Variants in ADAM29 observed in about 807,000 individuals in gnomAD.
The protein encoded by ADAM29 is disintegrin and metalloproteinase domain-containing protein 29.
For synonymous variants in ADAM29, 367 were observed against 342.3 expected (o/e 1.07, Z -0.80); for missense variants, 969 against 1,001.8 (o/e 0.97, Z 0.44).
rs563638174 is a variant in ADAM29, at chr4:174,942,590, A to G, written c.-181+5577A>G. On this transcript the variant is annotated intron_variant, in intron 4 of 4. Transcript: ENST00000359240. Reference sequence around the variant, plus strand: ...AGCTGGAGTGGCTGGGATGCAGAGCACCATCTCCTGAGGCTTCACAGAGCA... The same window carrying G: ...AGCTGGAGTGGCTGGGATGCAGAGCGCCATCTCCTGAGGCTTCACAGAGCA... Among the ~76,000 whole-genome samples, 561 of 152,212 alleles carry G rather than the reference A, an allele frequency of 3.7e-3. 3 individuals carry two copies. The highest frequency in any genetic ancestry group is 3.8e-3 in the Non-Finnish European group (260 of 68,006).
chr4:174,933,162 C>T (rs1481264123), intron 3 of ADAM29, among the ~76,000 whole-genome samples: 1 of 152,104 alleles, frequency 6.6e-6, no homozygotes. Flanking sequence ...TCTGGGATAA[C>T]AAAAAGCTCT....
intron 4 of ADAM29, among the ~76,000 whole-genome samples, chr4:174,970,563 C>T (rs4129838): frequency 0.15 from 22,406 of 152,100 alleles, 1,962 homozygotes; most frequent in Non-Finnish European, 0.19. Context: ...AAACTCAGTC[C>T]TGCTGACACT....
In ADAM29 at chr4:174,941,246, A is replaced by T. The variant is rs188429639; in HGVS notation, c.-181+4233A>T. 4.6e-3 allele frequency among the ~76,000 whole-genome samples: 702 copies of T among 152,264 alleles called. 7 individuals carry two copies. Among genetic ancestry groups the T allele is most frequent in the Non-Finnish European group, 6.3e-3 (430 of 68,016 alleles). ...TTTTTAAAAACGGACCTGCTTCTGG[A>T]TTAAATGAATCATGGAAATCCTGAT... On this transcript the variant is annotated intron_variant, in intron 4 of 4. Transcript: ENST00000359240.
intron 2 of ADAM29, among the ~76,000 whole-genome samples, chr4:174,926,966 A>G (rs1743557668): frequency 6.6e-6 from 1 of 152,022 alleles, no homozygotes; most frequent in Non-Finnish European, 1.5e-5. Flanking sequence ...ATATTTCAGC[A>G]GACATTCCAC....
At chr4:174,933,066 C>A (rs1363406961) in intron 3 of ADAM29, among the ~76,000 whole-genome samples, 1 of 152,090 alleles carries the variant, frequency 6.6e-6, no homozygotes, top group East Asian at 1.9e-4. Context: ...AGAAAGCAAA[C>A]GGCTCTGAGG....
At chr4:174,951,968 A>G (rs1179350598) in intron 4 of ADAM29, among the ~76,000 whole-genome samples, 1 of 152,182 alleles carries the variant, frequency 6.6e-6, no homozygotes, top group Admixed American at 6.5e-5. Flanking sequence ...ACTATAATTA[A>G]TAACAATATA....
intron 4 of ADAM29, among the ~76,000 whole-genome samples, chr4:174,952,739 AG>A (rs10713185): frequency 0.41 from 62,475 of 151,852 alleles, 13,247 homozygotes; most frequent in African/African-American, 0.51. Flanking sequence ...GGGAAATAAA[AG>A]CTTCAGATTA....
In ADAM29 at chr4:174,976,667, G is replaced by T. The variant is rs1579090966; in HGVS notation, c.1142G>T (p.Arg381Met). Residue 381 changes from arginine (R) to methionine (M), a missense_variant, in exon 5 of 5, where the codon AGG becomes ATG. Physicochemically the swap from Arg to Met is moderately conservative, Grantham distance 91. Coordinates refer to ENST00000359240, the MANE Select transcript of ADAM29 (RefSeq NM_014269.4). The part of the protein sequence containing the change: ...YGDFWEYTVE[R>M]TKCLLETVHT... ...GATTTTTGGGAATATACTGTAGAGAGGACAAAGTGTTTGCTTGAAACAGTA... is the reference window on the plus strand; with the variant it reads ...GATTTTTGGGAATATACTGTAGAGATGACAAAGTGTTTGCTTGAAACAGTA... 6.2e-7 allele frequency: 1 copy of T among 1,613,926 alleles called. No individual in the cohort carries two copies. Among genetic ancestry groups the T allele is most frequent in the East Asian group, 2.2e-5 (1 of 44,860 alleles).
At chr4:174,919,924 CTTA>C (rs1415308450) in intron 1 of ADAM29, among the ~76,000 whole-genome samples, 1 of 152,132 alleles carries the variant, frequency 6.6e-6, no homozygotes, top group Admixed American at 6.5e-5. Flanking sequence ...GAGTCATTTT[CTTA>C]TTCTGTCTGC....
At chr4:174,969,008 A>AAG (rs1553978790) in intron 4 of ADAM29, among the ~76,000 whole-genome samples, 1 of 151,474 alleles carries the variant, frequency 6.6e-6, no homozygotes, top group Non-Finnish European at 1.5e-5. Context: ...TCTAGAAAAA[A>AAG]AAAGAAAGAT....
chr4:174,939,721 G>A (rs1016826152), intron 4 of ADAM29, among the ~76,000 whole-genome samples: 19 of 152,164 alleles, frequency 1.2e-4, no homozygotes, highest in African/African-American at 4.3e-4. Flanking sequence ...AAGCTTAAAA[G>A]GCAGATCAGA....
chr4:174,930,860 T>A (rs989643591), intron 2 of ADAM29, 126 bp from the exon 3 acceptor site: 1 of 151,800 alleles, frequency 6.6e-6, no homozygotes, highest in Non-Finnish European at 1.5e-5. Context: ...AAGCTGTGAA[T>A]TTTTTTTTCA....
Position 174,978,035 on chromosome 4 carries a change from C to T in ADAM29, c.*47C>T, listed in dbSNP as rs1167079988. 1.3e-6 allele frequency: 2 copies of T among 1,599,046 alleles called. No homozygotes were observed. Among genetic ancestry groups the T allele is most frequent in the Non-Finnish European group, 1.7e-6 (2 of 1,170,328 alleles). On this transcript the variant is annotated 3_prime_UTR_variant, in exon 5 of 5. Transcript: ENST00000359240. ...TCCCAGAGTCAACCTCCTGTGACGC[C>T]CTCCCAGAGCCAACCTCGGGTGACA...
chr4:174,944,719 C>A (rs1401188576), intron 4 of ADAM29, among the ~76,000 whole-genome samples: 1 of 152,124 alleles, frequency 6.6e-6, no homozygotes, highest in Non-Finnish European at 1.5e-5. Context: ...GTCTGTTGTT[C>A]TATCCTTTGT....
chr4:174,974,436 C>T (rs1746640135), intron 4 of ADAM29, among the ~76,000 whole-genome samples: 1 of 152,222 alleles, frequency 6.6e-6, no homozygotes, highest in South Asian at 2.1e-4. Flanking sequence ...ATTAACCATC[C>T]TTCTATTCTC....
intron 2 of ADAM29, among the ~76,000 whole-genome samples, chr4:174,927,052 A>G (rs1743563339): frequency 6.6e-6 from 1 of 152,228 alleles, no homozygotes; most frequent in Non-Finnish European, 1.5e-5. Context: ...AATGCAAATT[A>G]AACTCAACTA....
At chr4:174,951,283 A>G (rs1745160441) in intron 4 of ADAM29, among the ~76,000 whole-genome samples, 1 of 152,160 alleles carries the variant, frequency 6.6e-6, no homozygotes, top group Non-Finnish European at 1.5e-5. Flanking sequence ...ATCTCCTACC[A>G]TTCCTTGCTT....
At chr4:174,927,487 A>G (rs1743586550) in intron 2 of ADAM29, among the ~76,000 whole-genome samples, 1 of 152,220 alleles carries the variant, frequency 6.6e-6, no homozygotes, top group African/African-American at 2.4e-5. Context: ...AACATTTTGT[A>G]GTTTTCACCA....
rs750543779 is a variant in ADAM29 at position 174,977,820 on chromosome 4, CTCCCAGAGTCAACCTCGGGTGATGCCT to C, written c.2298_2324del (p.Arg771_Pro779del). The C allele has an allele frequency of 3.0e-5, 47 of 1,544,072 alleles. No homozygotes were observed. The Admixed American group carries it at 7.9e-4, about 26-fold the overall frequency. On this transcript the variant is annotated inframe_deletion, in exon 5 of 5. Transcript: ENST00000359240. ...CCCAGAGTCAACCTCCTGTGACACCCTCCCAGAGTCAACCTCGGGTGATGCCTTCTCAGAGTCAACCTCCTGTGATGC... is the reference window on the plus strand; with the variant it reads ...CCCAGAGTCAACCTCCTGTGACACCCTCTCAGAGTCAACCTCCTGTGATGC...
Sources: allele counts gnomAD v4.1 joint callset (sites outside exome capture counted in the v4.1 genomes callset), GRCh38; gene constraint gnomAD v4.1.1; transcripts MANE v1.5; gene names NCBI Gene and HGNC (gene_info 2026-07-23, HGNC 2026-07-21).